Variants in JAZF1 observed in about 807,000 individuals in gnomAD.
JAZF1 encodes juxtaposed with another zinc finger protein 1.
Under a neutral mutation model 26.4 loss-of-function variants are expected in JAZF1, and 8 were observed. That is an observed-to-expected ratio of 0.30 (90% confidence interval 0.18 to 0.55). The LOEUF (loss-of-function observed/expected upper bound fraction) is 0.55. Among genes scored for constraint, JAZF1 ranks in the 20% least tolerant of loss-of-function variants. The pLI is 0.94. For synonymous variants in JAZF1, 126 were observed against 122.3 expected, an observed-to-expected ratio of 1.03 and a Z score of -0.20; for missense variants, 199 against 322.0, an observed-to-expected ratio of 0.62 and a Z score of 2.92.
chr7:28,166,049 A>C (rs1783362808), intron 1 of JAZF1, among the ~76,000 whole-genome samples: 1 of 152,156 alleles, frequency 6.6e-6, no homozygotes, highest in Admixed American at 6.5e-5. Flanking sequence ...GTTAGACAAA[A>C]TCTTTCAAGA....
chr7:28,149,660 C>G lies in JAZF1; in HGVS notation c.115+30803G>C, dbSNP rs552404266. 1.6e-4 allele frequency among the ~76,000 whole-genome samples: 25 copies of G among 152,332 alleles called. No homozygotes were observed. The South Asian group carries it at 5.2e-3, about 32-fold the overall frequency. Reference sequence around the variant, plus strand: ...CCACAGGTTCAACTAGATTCCCACACAAGCACACATTGATCTTCAATTTGA... The same window carrying G: ...CCACAGGTTCAACTAGATTCCCACAGAAGCACACATTGATCTTCAATTTGA... On this transcript the variant is annotated intron_variant, in intron 1 of 4. Transcript: ENST00000283928.
chr7:27,871,300 T>A (rs1783577658), intron 3 of JAZF1, among the ~76,000 whole-genome samples: 1 of 152,230 alleles, frequency 6.6e-6, no homozygotes. Flanking sequence ...AACGGGGTTG[T>A]GACATCTGTA....
intron 3 of JAZF1, among the ~76,000 whole-genome samples, chr7:27,856,217 T>C (rs1196156341): frequency 3.9e-5 from 6 of 152,190 alleles, no homozygotes; most frequent in Admixed American, 3.9e-4. Flanking sequence ...TCTCGCTGGC[T>C]CAGGAGTGAA....
At chr7:27,979,366 ATTT>A (rs55737757) in intron 2 of JAZF1, among the ~76,000 whole-genome samples, 513 of 57,982 alleles carry the variant, frequency 8.8e-3, no homozygotes, top group Middle Eastern at 0.017. Flanking sequence ...GGTACACTAC[ATTT>A]TTTTTTTTTT....
intron 1 of JAZF1, among the ~76,000 whole-genome samples, chr7:28,065,531 A>G (rs1389448687): frequency 6.6e-6 from 1 of 152,146 alleles, no homozygotes; most frequent in African/African-American, 2.4e-5. Flanking sequence ...GCAGACCATA[A>G]ATGTCACGAT....
intron 2 of JAZF1, among the ~76,000 whole-genome samples, chr7:27,925,932 A>G (rs1784596176): frequency 1.3e-5 from 2 of 152,258 alleles, no homozygotes; most frequent in South Asian, 4.1e-4. Flanking sequence ...TAAAAACCTT[A>G]GAAACCTCAC....
intron 1 of JAZF1, among the ~76,000 whole-genome samples, chr7:28,140,136 G>A (rs1782941998): frequency 6.7e-6 from 1 of 149,246 alleles, no homozygotes; most frequent in Admixed American, 6.7e-5. Flanking sequence ...AGGCTGGAGT[G>A]CAGTGGCGTG....
At chr7:27,973,886 G>A (rs929033813) in intron 2 of JAZF1, among the ~76,000 whole-genome samples, 9 of 152,204 alleles carry the variant, frequency 5.9e-5, no homozygotes, top group Non-Finnish European at 8.8e-5. Context: ...AGGGAGATCG[G>A]TGAACTCTTG....
chr7:28,119,835 C>A (rs1462685590), intron 1 of JAZF1, among the ~76,000 whole-genome samples: 1 of 152,210 alleles, frequency 6.6e-6, no homozygotes, highest in East Asian at 1.9e-4. Flanking sequence ...TTAATCTTGT[C>A]TTAACCTGTT....
chr7:28,110,677 A>T (rs1415997857), intron 1 of JAZF1, among the ~76,000 whole-genome samples: 1 of 151,776 alleles, frequency 6.6e-6, no homozygotes, highest in African/African-American at 2.4e-5. Flanking sequence ...TTAGTTTAAA[A>T]ACAAATAAGC....
intron 3 of JAZF1, among the ~76,000 whole-genome samples, chr7:27,880,610 G>GT: frequency 6.6e-6 from 1 of 152,094 alleles, no homozygotes; most frequent in Non-Finnish European, 1.5e-5. Context: ...TCCAGCCTGG[G>GT]TAACAGCAAG....
intron 3 of JAZF1, among the ~76,000 whole-genome samples, chr7:27,892,949 G>A (rs1488339932): frequency 2.6e-5 from 4 of 152,282 alleles, no homozygotes; most frequent in Non-Finnish European, 5.9e-5. Context: ...TGCCCAAGGT[G>A]ACACCATTTG....
At chr7:27,916,833 C>T (rs1784449259) in intron 2 of JAZF1, among the ~76,000 whole-genome samples, 1 of 152,242 alleles carries the variant, frequency 6.6e-6, no homozygotes, top group Non-Finnish European at 1.5e-5. Flanking sequence ...AAAAATCCCA[C>T]CGCTCTGTCC....
chr7:27,947,807 C>G (rs141080396), intron 2 of JAZF1, among the ~76,000 whole-genome samples: 7 of 152,238 alleles, frequency 4.6e-5, no homozygotes, highest in Non-Finnish European at 7.4e-5. Flanking sequence ...CCCACTGATT[C>G]CCACCTGGCT....
intron 2 of JAZF1, among the ~76,000 whole-genome samples, chr7:27,904,281 T>C (rs1249885754): frequency 2.6e-5 from 4 of 152,246 alleles, no homozygotes; most frequent in East Asian, 3.9e-4. Flanking sequence ...AATGTAATGA[T>C]GGCTTTCAGA....
intron 1 of JAZF1, among the ~76,000 whole-genome samples, chr7:28,051,238 A>AT (rs1015530092): frequency 2.1e-5 from 3 of 144,290 alleles, no homozygotes; most frequent in Non-Finnish European, 4.5e-5. Context: ...TTTTATTTTT[A>AT]TTTTTTGAGA....
intron 4 of JAZF1, 120 bp from the exon 5 acceptor site, chr7:27,833,096 T>C (rs1186658356): frequency 4.4e-6 from 3 of 687,464 alleles, no homozygotes; most frequent in East Asian, 5.8e-5. Context: ...GTGTAGTCTT[T>C]TGCAAGGACT....
At position 28,180,512 on chromosome 7, in the gene JAZF1, G is replaced by A; in HGVS notation, c.66C>T (p.His22=). The change falls in exon 1 of 5, where the codon CAC becomes CAT. Residue 22 remains histidine (H), a synonymous_variant. Transcript: ENST00000283928. ...NTCRFGGCGL[H]FPTLADLIEH... ...CGATGAGGTCGGCCAGGGTGGGGAA[G>A]TGGAGTCCGCAGCCCCCGAATCGGC... 1.2e-6 allele frequency: 2 copies of A among 1,611,102 alleles called. No homozygotes were observed. The highest frequency in any genetic ancestry group is 1.7e-6 in the Non-Finnish European group (2 of 1,179,040).
intron 3 of JAZF1, among the ~76,000 whole-genome samples, chr7:27,864,358 A>G (rs1483453608): frequency 6.6e-6 from 1 of 152,236 alleles, no homozygotes; most frequent in Non-Finnish European, 1.5e-5. Flanking sequence ...AAAAGATGAA[A>G]AAAATGCACA....
Sources: gnomAD v4.1 joint callset for allele counts (sites outside exome capture counted in the v4.1 genomes callset) on GRCh38, gnomAD v4.1.1 for gene constraint, MANE v1.5 for transcripts, NCBI Gene and HGNC (gene_info 2026-07-23, HGNC 2026-07-21) for gene names.